The following CENPP variants were observed in gnomAD, a reference collection of about 807,000 sequenced individuals.
CENPP encodes centromere protein P.
Under a neutral mutation model 35.6 loss-of-function variants are expected in CENPP, and 24 were observed. The observed-to-expected ratio is 0.67, with a 90% CI of 0.49 to 0.95. The LOEUF is 0.95. Among genes scored for constraint, CENPP ranks in the 40% least tolerant of loss-of-function variants. CENPP has a pLI of 0.00. For missense variants in CENPP, 332 were observed against 345.3 expected, an observed-to-expected ratio of 0.96 and a Z score of 0.31; for synonymous variants, 120 against 125.5, an observed-to-expected ratio of 0.96 and a Z score of 0.29.
rs1847249757 is a variant in CENPP at position 92,510,185 on chromosome 9, C to T, written c.565-101129C>T. The T allele has an allele frequency of 8.2e-6, 6 of 731,596 alleles. No individual in the cohort carries two copies. The Admixed American group carries it at 1.1e-4, about 14-fold the overall frequency. The allele number at this position is 731,596 out of a possible 1,614,324, so 45.3% of individuals were successfully genotyped here. ...GGCCACACAGCAAACCCCTTATTCC[C>T]CCTGCCAGGTTGATATTGATCCTGG... On this transcript the variant is annotated intron_variant, in intron 5 of 7. Coordinates refer to ENST00000375587, the MANE Select transcript of CENPP (RefSeq NM_001012267.3).
At chr9:92,552,966 T>C (rs894928541) in intron 5 of CENPP, among the ~76,000 whole-genome samples, 1 of 152,054 alleles carries the variant, frequency 6.6e-6, no homozygotes, top group African/African-American at 2.4e-5. Flanking sequence ...CTTTTTCTTT[T>C]TATTATTTTT....
At chr9:92,415,256 CA>C in intron 5 of CENPP, 1 of 1,613,806 alleles carries the variant, frequency 6.2e-7, no homozygotes, top group African/African-American at 1.3e-5. Context: ...TCACTTTCAT[CA>C]TCATCATCTG....
In CENPP at chr9:92,618,433, G is replaced by T. The variant is rs1377058075; in HGVS notation, c.*5284G>T. ...AAGAGATTCCCAGGTGCTAGACGAGGTGAGTAACATGTCTGTCCTTCAGCG... is the reference window on the plus strand; with the variant it reads ...AAGAGATTCCCAGGTGCTAGACGAGTTGAGTAACATGTCTGTCCTTCAGCG... On this transcript the variant is annotated 3_prime_UTR_variant, in exon 8 of 8. Transcript: ENST00000375587. The T allele has an allele frequency of 2.2e-6, 1 of 456,692 alleles. No homozygotes were observed. Among genetic ancestry groups the T allele is most frequent in the Admixed American group, 2.3e-5 (1 of 42,576 alleles). The allele number at this position is 456,692 out of a possible 1,614,324, so 28.3% of individuals were successfully genotyped here.
At chr9:92,457,048 A>G (rs1844901457) in intron 5 of CENPP, 1 of 1,277,052 alleles carries the variant, frequency 7.8e-7, no homozygotes, top group Non-Finnish European at 9.9e-7. Flanking sequence ...AGATTTATGT[A>G]AGATCATTTG....
chr9:92,373,651 C>T (rs539944800), intron 4 of CENPP, among the ~76,000 whole-genome samples: 1 of 151,458 alleles, frequency 6.6e-6, no homozygotes, highest in Non-Finnish European at 1.5e-5. Flanking sequence ...CATGATGAAA[C>T]ACCGTCTCTA....
intron 5 of CENPP, among the ~76,000 whole-genome samples, chr9:92,468,176 A>C (rs1224646445): frequency 6.6e-6 from 1 of 152,148 alleles, no homozygotes; most frequent in Non-Finnish European, 1.5e-5. Flanking sequence ...GGCTTTTATT[A>C]GTTTGTTTTT....
At chr9:92,402,177 A>G (rs965928463) in intron 5 of CENPP, among the ~76,000 whole-genome samples, 5 of 152,202 alleles carry the variant, frequency 3.3e-5, no homozygotes, top group African/African-American at 1.2e-4. Context: ...AGCCTATGTT[A>G]TGATGGGACT....
intron 5 of CENPP, among the ~76,000 whole-genome samples, chr9:92,566,347 A>G (rs72754465): frequency 0.04 from 6,046 of 152,040 alleles, 185 homozygotes; most frequent in South Asian, 0.099. Context: ...TAACATAAAA[A>G]TATAGCCTTT....
rs1286167869 is a variant in CENPP at position 92,619,524 on chromosome 9, G to A, written c.*6375G>A. The A allele has an allele frequency of 1.3e-5, 20 of 1,593,398 alleles. No homozygotes were observed. In the East Asian group the frequency reaches 1.6e-4, roughly 13 times the overall value. On this transcript the variant is annotated 3_prime_UTR_variant, in exon 8 of 8. Coordinates refer to ENST00000375587, the MANE Select transcript of CENPP (RefSeq NM_001012267.3). The stretch of plus-strand genomic sequence containing the variant: ...GACAGGGAGACAGTGCAATCATGAT[G>A]GAGCAGTCCTTGGCAGTCATGGCGA...
intron 5 of CENPP, among the ~76,000 whole-genome samples, chr9:92,605,328 G>A (rs1017274777): frequency 6.6e-5 from 10 of 151,820 alleles, no homozygotes; most frequent in South Asian, 2.1e-4. Flanking sequence ...GTAAATTTTC[G>A]TATATGGTGT....
intron 5 of CENPP, among the ~76,000 whole-genome samples, chr9:92,563,757 C>T (rs1849899295): frequency 6.7e-6 from 1 of 150,188 alleles, no homozygotes; most frequent in Non-Finnish European, 1.5e-5. Context: ...ATCCTCCCTC[C>T]CCCTCTTCCT....
At chr9:92,528,766 AT>A (rs57828721) in intron 5 of CENPP, among the ~76,000 whole-genome samples, 26,770 of 152,196 alleles carry the variant, frequency 0.18, 3,412 homozygotes, top group East Asian at 0.65. Flanking sequence ...TTCTGAAAGA[AT>A]TAAACTGCGT....
chr9:92,342,211 T>C (rs1841143381), intron 3 of CENPP, among the ~76,000 whole-genome samples: 1 of 152,266 alleles, frequency 6.6e-6, no homozygotes, highest in Non-Finnish European at 1.5e-5. Context: ...ACTTATATTC[T>C]ATTGGCCAAC....
intron 4 of CENPP, among the ~76,000 whole-genome samples, chr9:92,371,606 G>A (rs1842005865): frequency 6.6e-6 from 1 of 152,148 alleles, no homozygotes; most frequent in Non-Finnish European, 1.5e-5. Context: ...AGCATGTTCT[G>A]TAAATGTCTG....
In CENPP at chr9:92,455,567, A is replaced by G. The variant is rs111963337; in HGVS notation, c.564+75708A>G. Among the ~76,000 whole-genome samples, 16 of 152,248 alleles carry G rather than the reference A, an allele frequency of 1.1e-4. 1 individual carries two copies. The highest frequency in any genetic ancestry group is 3.9e-4 in the African/African-American group (16 of 41,558). On this transcript the variant is annotated intron_variant, in intron 5 of 7. Transcript: ENST00000375587. ...AAGTTGAGTAACTCCACTGTGAAGA[A>G]TAAGACTTTATTTACCCATTCTTAA...
At chr9:92,525,096 T>G (rs1288718846) in intron 5 of CENPP, among the ~76,000 whole-genome samples, 1 of 152,032 alleles carries the variant, frequency 6.6e-6, no homozygotes, top group African/African-American at 2.4e-5. Flanking sequence ...GGTGGGAGGA[T>G]TGCTTGAGGC....
intron 5 of CENPP, among the ~76,000 whole-genome samples, chr9:92,599,043 T>C (rs1850846214): frequency 6.6e-6 from 1 of 151,378 alleles, no homozygotes; most frequent in Admixed American, 6.6e-5. Flanking sequence ...GAGGTTGCAG[T>C]GAACTGAGAT....
At chr9:92,597,349 A>G (rs1850808492) in intron 5 of CENPP, among the ~76,000 whole-genome samples, 1 of 152,202 alleles carries the variant, frequency 6.6e-6, no homozygotes, top group African/African-American at 2.4e-5. Flanking sequence ...GTCTTGTGAA[A>G]AAGAACCTGA....
chr9:92,496,104 T>G, intron 5 of CENPP: 3 of 1,185,978 alleles, frequency 2.5e-6, no homozygotes, highest in Non-Finnish European at 3.1e-6. Context: ...GGTAGGAAAC[T>G]GAGAGATTTT....
Sources: gnomAD v4.1 joint callset for allele counts (sites outside exome capture counted in the v4.1 genomes callset) on GRCh38, gnomAD v4.1.1 for gene constraint, MANE v1.5 for transcripts, NCBI Gene and HGNC (gene_info 2026-07-23, HGNC 2026-07-21) for gene names.